MED25: variants seen among roughly 807,000 people sequenced by gnomAD.
The protein encoded by MED25 is mediator complex subunit 25.
A neutral mutation model predicts 89.4 loss-of-function variants in MED25; 62 were observed. The ratio of observed to expected loss-of-function variants is 0.69; its 90% confidence interval spans 0.57 to 0.86. The LOEUF (loss-of-function observed/expected upper bound fraction) is 0.86, where lower values mean the gene tolerates loss of function less well. Ranked by LOEUF, MED25 falls within the 40% of genes least tolerant of loss-of-function variation. MED25 has a pLI of 0.00. For synonymous variants in MED25, 449 were observed against 427.9 expected (o/e 1.05, Z -0.61); for missense variants, 905 against 1,005.2 (o/e 0.90, Z 1.35).
intron 3 of MED25, among the ~76,000 whole-genome samples, chr19:49,820,594 TTCTC>T (rs892928016): frequency 4.6e-5 from 7 of 152,248 alleles, no homozygotes; most frequent in Non-Finnish European, 1.0e-4. Context: ...TTGTTTTTTC[TTCTC>T]TCTATGTTGA....
chr19:49,836,907 G>A lies in MED25; in HGVS notation c.2207G>A (p.Ser736Asn), dbSNP rs573467025. ...GPVPQPGLQP[S>N]VMEDDILMDL... ...GTCCCCCAGCCGGGCCTGCAGCCCA[G>A]CGTCATGGAGGACGACATCCTCATG... The change falls in exon 18 of 18, where the codon AGC becomes AAC. Residue 736 changes from serine to asparagine, a missense_variant. Physicochemically the swap from Ser to Asn is conservative, Grantham distance 46. Coordinates refer to ENST00000312865, the MANE Select transcript of MED25 (RefSeq NM_030973.4). The surrounding 1 kb of genome is among the most constrained non-coding windows in gnomAD (Gnocchi z 5.1). The A allele has an allele frequency of 1.9e-6, 3 of 1,613,084 alleles. No homozygotes were observed. In the East Asian group the frequency reaches 6.7e-5, roughly 36 times the overall value.
In MED25 at chr19:49,835,815, AG is replaced by A; in HGVS notation, c.1836del (p.Gln612HisfsTer109). The A allele has an allele frequency of 6.2e-7, 1 of 1,607,152 alleles. No individual in the cohort carries two copies. On this transcript the variant is annotated frameshift_variant, in exon 16 of 18. Transcript: ENST00000312865. LOFTEE classifies it high-confidence loss of function. This position sits in a 1 kb window ranked among gnomAD's most constrained non-coding sequence, Gnocchi z 6.2. ...CAGCCCCAGCCCCAAGGTACTGCCC[AG>A]CCCCCGCCAGGTGCCCCTCAAGGCC... ...TGQPQPQGTA[Q>X]PPPGAPQGPP...
chr19:49,820,291 C>A (rs1167624389), intron 3 of MED25, among the ~76,000 whole-genome samples: 1 of 152,218 alleles, frequency 6.6e-6, no homozygotes, highest in Non-Finnish European at 1.5e-5. Context: ...TAGCTTGAAG[C>A]AAGCTTACAG....
intron 2 of MED25, 131 bp downstream of exon 2, chr19:49,818,747 T>A: frequency 1.1e-6 from 1 of 910,660 alleles, no homozygotes; most frequent in Non-Finnish European, 1.7e-6. Context: ...TCTGGACTCC[T>A]TGTTCTGAGG....
chr19:49,831,339 A>G lies in MED25; in HGVS notation c.1108A>G (p.Thr370Ala), dbSNP rs201553319. ...AQPGAPSMAG[T>A]VAPGGVSGPS... ...CCTTCCTCCCCTCTGGCAGGCAGGC[A>G]CTGTGGCCCCAGGAGGGGTGAGCGG... The change falls in exon 10 of 18, where the codon ACT becomes GCT. Residue 370 changes from threonine to alanine, a missense_variant. Thr to Ala is a moderately conservative substitution (Grantham distance 58, BLOSUM62 0). This residue lies in a region of MED25 where 501 missense variants were observed against 526.9 expected (regional missense o/e 0.95). Coordinates refer to ENST00000312865, the MANE Select transcript of MED25 (RefSeq NM_030973.4). The surrounding 1 kb of genome is among the most constrained non-coding windows in gnomAD (Gnocchi z 5.0). 2.2e-5 allele frequency: 36 copies of G among 1,610,802 alleles called. No homozygotes were observed. In the Admixed American group the frequency reaches 6.0e-4, roughly 27 times the overall value.
intron 13 of MED25, chr19:49,832,845 C>T (rs2074068543): frequency 3.5e-5 from 10 of 283,210 alleles, no homozygotes; most frequent in South Asian, 2.8e-4. Context: ...GAGGGAAGGC[C>T]TCTTCGTTGC....
rs752512037 is a variant in MED25 at position 49,829,974 on chromosome 19, G to A, written c.688+26G>A. 9.4e-6 allele frequency: 15 copies of A among 1,602,982 alleles called. No homozygotes were observed. In the East Asian group the frequency reaches 2.2e-4, roughly 24 times the overall value. On this transcript the variant is annotated intron_variant, in intron 6 of 17. Transcript: ENST00000312865. This position sits in a 1 kb window ranked among gnomAD's most constrained non-coding sequence, Gnocchi z 4.6. ...GTGAGGCCTGGGCACCGTGCGCGGG[G>A]ATGGGGGCTCGACGTGTTTCCCCAG...
chr19:49,822,670 CAG>C (rs1380178601), intron 3 of MED25, among the ~76,000 whole-genome samples: 2 of 106,932 alleles, frequency 1.9e-5, no homozygotes, highest in African/African-American at 7.4e-5. Context: ...TTTTTTGAGA[CAG>C]AGTCTCGCTC....
Position 49,829,681 on chromosome 19 carries a change from A to C in MED25, c.526-105A>C. On this transcript the variant is annotated intron_variant, in intron 5 of 17. Transcript: ENST00000312865. The surrounding 1 kb of genome is among the most constrained non-coding windows in gnomAD (Gnocchi z 4.6). The stretch of plus-strand genomic sequence containing the variant: ...AAAGCCCAATGGGAATTGTGGTTGT[A>C]GGGCTGGTGCCGTCCAGCCACACAG... 2.4e-6 allele frequency: 3 copies of C among 1,228,862 alleles called. No individual in the cohort carries two copies. The highest frequency in any genetic ancestry group is 3.4e-6 in the Non-Finnish European group (3 of 870,512). The allele number at this position is 1,228,862 out of a possible 1,614,324, so 76.1% of individuals were successfully genotyped here.
chr19:49,830,057 C>G lies in MED25; in HGVS notation c.689-31C>G. The G allele has an allele frequency of 6.2e-7, 1 of 1,600,836 alleles. No individual in the cohort carries two copies. ...TTTCTCTGCATCTTGAATCCCTTCTCTCTGGGGTTGGCCATCCCTCCTGCT... is the reference window on the plus strand; with the variant it reads ...TTTCTCTGCATCTTGAATCCCTTCTGTCTGGGGTTGGCCATCCCTCCTGCT... On this transcript the variant is annotated intron_variant, in intron 6 of 17. Transcript: ENST00000312865. The surrounding 1 kb of genome is among the most constrained non-coding windows in gnomAD (Gnocchi z 4.6).
chr19:49,831,260 GC>G lies in MED25; in HGVS notation c.1102-70del. 1 of 1,503,744 alleles carries G rather than the reference GC, an allele frequency of 6.7e-7. No individual in the cohort carries two copies. Among genetic ancestry groups the G allele is most frequent in the South Asian group, 1.2e-5 (1 of 84,238 alleles). 93.2% of individuals were successfully genotyped at this position (1,503,744 alleles called of 1,614,324 possible). ...AGGGATCTTTCCTCCTTCCTGGTTTGCCCTCACAGGATGGCCCCCGGAGGCT... is the reference window on the plus strand; with the variant it reads ...AGGGATCTTTCCTCCTTCCTGGTTTGCCTCACAGGATGGCCCCCGGAGGCT... On this transcript the variant is annotated intron_variant, in intron 9 of 17. Coordinates refer to ENST00000312865, the MANE Select transcript of MED25 (RefSeq NM_030973.4). This position sits in a 1 kb window ranked among gnomAD's most constrained non-coding sequence, Gnocchi z 5.0.
At position 49,835,987 on chromosome 19, in the gene MED25, C is replaced by T; in HGVS notation, c.1965+42C>T. 5 of 1,607,334 alleles carry T rather than the reference C, an allele frequency of 3.1e-6. No individual in the cohort carries two copies. Among genetic ancestry groups the T allele is most frequent in the Non-Finnish European group, 4.2e-6 (5 of 1,177,818 alleles). ...GGGTAGCGAGAGTTCCAGATCCTGG[C>T]CCTGGTGGTTCTGGTCCTGTTGTCT... On this transcript the variant is annotated intron_variant, in intron 16 of 17. Transcript: ENST00000312865. The surrounding 1 kb of genome is among the most constrained non-coding windows in gnomAD (Gnocchi z 6.2).
In MED25 at chr19:49,822,012, C is replaced by T. The variant is rs1433837412; in HGVS notation, c.305+2716C>T. On this transcript the variant is annotated intron_variant, in intron 3 of 17. Transcript: ENST00000312865. ...GGCGTGGTGGCTCACGCCTGTAATCCCAGCACTTTGGGAGGCTGAGGCGGG... is the reference window on the plus strand; with the variant it reads ...GGCGTGGTGGCTCACGCCTGTAATCTCAGCACTTTGGGAGGCTGAGGCGGG... Among the ~76,000 whole-genome samples, 2 of 151,350 alleles carry T rather than the reference C, an allele frequency of 1.3e-5. 1 individual carries two copies. The highest frequency in any genetic ancestry group is 4.9e-5 in the African/African-American group (2 of 40,830).
rs1444740200 is a variant in MED25 at position 49,835,582 on chromosome 19, C to T, written c.1723C>T (p.Gln575Ter). The change falls in exon 15 of 18, where the codon CAA becomes TAA. Residue 575 changes from glutamine to a stop codon, truncating the protein, a stop_gained. Transcript: ENST00000312865. LOFTEE classifies it high-confidence loss of function. The surrounding 1 kb of genome is among the most constrained non-coding windows in gnomAD (Gnocchi z 6.2). Reference sequence around the variant, plus strand: ...AGGGCTGGGGCCCATTCTGGAGGACCAAGCCAGGCCCTCACAGAATCTGGT... The same window carrying T: ...AGGGCTGGGGCCCATTCTGGAGGACTAAGCCAGGCCCTCACAGAATCTGGT... ...PPGLGPILEDQARPSQNLLQL... is the reference protein window; with the variant it reads ...PPGLGPILED 2 of 1,565,654 alleles carry T rather than the reference C, an allele frequency of 1.3e-6. No homozygotes were observed. The highest frequency in any genetic ancestry group is 1.7e-6 in the Non-Finnish European group (2 of 1,155,618).
In MED25 at chr19:49,835,797, A is replaced by AGCCCCAAGGTACTGCCCAGCCCCC; in HGVS notation, c.1821_1844dup (p.Gln608_Pro615dup). On this transcript the variant is annotated inframe_insertion, in exon 16 of 18. Transcript: ENST00000312865. The surrounding 1 kb of genome is among the most constrained non-coding windows in gnomAD (Gnocchi z 6.2). ...GCCTCTGGGGCCACGGGGCAGCCCC[A>AGCCCCAAGGTACTGCCCAGCCCCC]GCCCCAAGGTACTGCCCAGCCCCCG... The AGCCCCAAGGTACTGCCCAGCCCCC allele has an allele frequency of 6.2e-7, 1 of 1,606,336 alleles. No individual in the cohort carries two copies. The highest frequency in any genetic ancestry group is 8.5e-7 in the Non-Finnish European group (1 of 1,175,024).
chr19:49,838,986 C>T, downstream of MED25: 1 of 346,944 alleles, frequency 2.9e-6, no homozygotes, highest in Non-Finnish European at 5.7e-6. Context: ...ACTGTTGAGA[C>T]CGTTATTTAA....
intron 3 of MED25, among the ~76,000 whole-genome samples, chr19:49,822,124 G>A (rs574738439): frequency 5.9e-5 from 9 of 151,504 alleles, no homozygotes; most frequent in African/African-American, 1.5e-4. Context: ...TTAACCGGGC[G>A]CGGTGGCAGG....
In MED25 at chr19:49,830,660, T is replaced by G. The variant is rs758833486; in HGVS notation, c.908-34T>G. On this transcript the variant is annotated intron_variant, in intron 8 of 17. Coordinates refer to ENST00000312865, the MANE Select transcript of MED25 (RefSeq NM_030973.4). The surrounding 1 kb of genome is among the most constrained non-coding windows in gnomAD (Gnocchi z 4.6). ...CCAGGCAGGCCTCTCTCCACACACT[T>G]GTTCCCCACTTCTTCCCTTGGTCTC... 1 of 1,613,208 alleles carries G rather than the reference T, an allele frequency of 6.2e-7. No homozygotes were observed. The highest frequency in any genetic ancestry group is 1.1e-5 in the South Asian group (1 of 91,066).
chr19:49,818,536 G>A (rs1292809696), intron 1 of MED25, 35 bp from the exon 2 acceptor site: 1 of 1,614,200 alleles, frequency 6.2e-7, no homozygotes, highest in Non-Finnish European at 8.5e-7. Context: ...ACAGTTTCTT[G>A]CCTGACTCCG....
Sources: allele counts gnomAD v4.1 joint callset (sites outside exome capture counted in the v4.1 genomes callset), GRCh38; gene constraint gnomAD v4.1.1; regional missense constraint gnomAD v4.1.1; non-coding constraint Gnocchi (gnomAD v3.1); transcripts MANE v1.5; gene names NCBI Gene and HGNC (gene_info 2026-07-23, HGNC 2026-07-21).